Variants in VWA3B observed in about 807,000 individuals in gnomAD.
VWA3B encodes von Willebrand factor A domain-containing protein 3B.
A neutral mutation model predicts 158.3 loss-of-function variants in VWA3B; 138 were observed. The observed-to-expected ratio is 0.87, with a 90% confidence interval of 0.76 to 1.00. The LOEUF (loss-of-function observed/expected upper bound fraction) is 1.00, where lower values mean the gene tolerates loss of function less well. VWA3B is among the 50% of genes least tolerant of loss of function. The pLI is 0.00. For synonymous variants in VWA3B, 596 were observed against 587.3 expected (o/e 1.01, Z -0.21); for missense variants, 1,555 against 1,565.1 (o/e 0.99, Z 0.11).
intron 20 of VWA3B, 38 bp from the exon 21 acceptor site, chr2:98,256,086 C>T: frequency 1.9e-6 from 3 of 1,610,592 alleles, no homozygotes; most frequent in Non-Finnish European, 2.5e-6. Flanking sequence ...AAATGAAGTA[C>T]TGCTACAAAA....
chr2:98,088,512 C>T (rs926216867), intron 1 of VWA3B, among the ~76,000 whole-genome samples: 3 of 152,128 alleles, frequency 2.0e-5, no homozygotes, highest in African/African-American at 7.2e-5. Flanking sequence ...CTCAGACTTT[C>T]ACTTCCTTGT....
At chr2:98,116,740 A>G (rs111469262) in intron 3 of VWA3B, among the ~76,000 whole-genome samples, 3,537 of 152,262 alleles carry the variant, frequency 0.023, 65 homozygotes, top group Non-Finnish European at 0.032. Flanking sequence ...TCCTAAGCTC[A>G]AGCAATCCGC....
intron 27 of VWA3B, 81 bp downstream of exon 27, chr2:98,312,113 A>G: frequency 1.9e-6 from 3 of 1,612,878 alleles, no homozygotes; most frequent in Non-Finnish European, 1.7e-6. Flanking sequence ...TACACCTAAC[A>G]TCGTCCTTCA....
chr2:98,107,364 G>A (rs1199417727), intron 2 of VWA3B, among the ~76,000 whole-genome samples: 3 of 151,876 alleles, frequency 2.0e-5, no homozygotes, highest in East Asian at 3.9e-4. Context: ...GAGTTGGGAC[G>A]TATTCCTTCC....
chr2:98,263,766 G>C (rs1041272903), intron 21 of VWA3B, among the ~76,000 whole-genome samples: 2 of 151,930 alleles, frequency 1.3e-5, no homozygotes, highest in Non-Finnish European at 2.9e-5. Flanking sequence ...AATGAGTTAG[G>C]AGCATTTCTC....
At chr2:98,191,303 T>A (rs1298976826) in intron 10 of VWA3B, among the ~76,000 whole-genome samples, 3 of 152,244 alleles carry the variant, frequency 2.0e-5, no homozygotes, top group Non-Finnish European at 4.4e-5. Context: ...AATTCTATCA[T>A]CTGTGTCATT....
chr2:98,090,086 T>C (rs1465343552), intron 1 of VWA3B, among the ~76,000 whole-genome samples: 1 of 152,184 alleles, frequency 6.6e-6, no homozygotes, highest in Non-Finnish European at 1.5e-5. Context: ...GAGGTGGGTG[T>C]GTTTCAGGGA....
chr2:98,161,240 C>T (rs1465814886), intron 7 of VWA3B, among the ~76,000 whole-genome samples: 1 of 152,246 alleles, frequency 6.6e-6, no homozygotes, highest in Admixed American at 6.5e-5. Context: ...CCCAGATACA[C>T]TCCCTTGCTC....
At chr2:98,088,131 T>C (rs1280412312) in intron 1 of VWA3B, among the ~76,000 whole-genome samples, 2 of 152,224 alleles carry the variant, frequency 1.3e-5, no homozygotes, top group African/African-American at 4.8e-5. Context: ...GGATCCATCA[T>C]GAAGCTTCGT....
chr2:98,211,566 A>T (rs780912441), intron 12 of VWA3B, among the ~76,000 whole-genome samples: 4 of 152,262 alleles, frequency 2.6e-5, no homozygotes, highest in African/African-American at 4.8e-5. Flanking sequence ...GTTTGAAACC[A>T]TTATGATGCC....
At chr2:98,112,296 GTGT>G (rs1332189382) in intron 2 of VWA3B, among the ~76,000 whole-genome samples, 73 of 151,098 alleles carry the variant, frequency 4.8e-4, no homozygotes, top group Non-Finnish European at 8.9e-5. Flanking sequence ...GTGTGTGTGT[GTGT>G]GTGGGTGTGT....
At chr2:98,322,049 A>G in the VWA3B span, among the ~76,000 whole-genome samples, 327 of 152,324 alleles carry the variant, frequency 2.1e-3, 1 homozygote, top group African/African-American at 7.4e-3. Context: ...GCCTGCTTCC[A>G]TGTAAGTCAT....
chr2:98,106,503 G>A (rs1673671597), intron 2 of VWA3B, among the ~76,000 whole-genome samples: 1 of 152,066 alleles, frequency 6.6e-6, no homozygotes, highest in Admixed American at 6.5e-5. Context: ...AAAATGCTGA[G>A]TGTTTCAGTT....
intron 7 of VWA3B, among the ~76,000 whole-genome samples, chr2:98,145,258 T>C (rs372626092): frequency 4.6e-5 from 7 of 152,252 alleles, no homozygotes; most frequent in Admixed American, 4.6e-4. Flanking sequence ...TTTATTCTTA[T>C]TTTAAATTGG....
intron 7 of VWA3B, among the ~76,000 whole-genome samples, chr2:98,148,026 A>G (rs201852148): frequency 6.6e-6 from 1 of 152,198 alleles, no homozygotes; most frequent in East Asian, 1.9e-4. Context: ...ATGTCCCTAC[A>G]AAGGACAGGA....
chr2:98,251,846 C>G (rs1243471387), intron 20 of VWA3B, among the ~76,000 whole-genome samples: 8 of 152,124 alleles, frequency 5.3e-5, no homozygotes, highest in Admixed American at 1.3e-4. Flanking sequence ...TGCCCTCACC[C>G]GAGAGTGGAG....
chr2:98,293,425 A>G (rs1000435121), intron 23 of VWA3B, among the ~76,000 whole-genome samples: 1 of 152,192 alleles, frequency 6.6e-6, no homozygotes, highest in Non-Finnish European at 1.5e-5. Context: ...CCATGAACCT[A>G]GTTTTTGTGC....
At chr2:98,276,252 T>C (rs17427636) in intron 22 of VWA3B, among the ~76,000 whole-genome samples, 5,908 of 152,270 alleles carry the variant, frequency 0.039, 168 homozygotes, top group Middle Eastern at 0.075. Flanking sequence ...TGTGATAGAT[T>C]CTGAGACTTC....
intron 6 of VWA3B, among the ~76,000 whole-genome samples, chr2:98,131,350 T>C (rs761694353): frequency 2.0e-5 from 3 of 152,244 alleles, no homozygotes; most frequent in Non-Finnish European, 2.9e-5. Flanking sequence ...CATTCACCCA[T>C]TGATGGACAC....
Sources: gnomAD v4.1 joint callset for allele counts (sites outside exome capture counted in the v4.1 genomes callset) on GRCh38, gnomAD v4.1.1 for gene constraint, MANE v1.5 for transcripts, NCBI Gene and HGNC (gene_info 2026-07-23, HGNC 2026-07-21) for gene names.